CLIC5: variants seen among roughly 807,000 people sequenced by gnomAD.
CLIC5 encodes the protein CLIC family member 5.
CLIC5 carries 20 observed loss-of-function variants against 24.7 expected under a neutral mutation model. The observed-to-expected ratio is 0.81, with a 90% CI of 0.57 to 1.18. The LOEUF (loss-of-function observed/expected upper bound fraction) is 1.18. Ranked by LOEUF, CLIC5 falls within the 50% of genes most tolerant of loss-of-function variation. The probability of loss-of-function intolerance (pLI) is 0.00; values close to 1 mark genes in which losing one functional copy is unlikely to be tolerated. For missense variants in CLIC5, 341 were observed against 326.1 expected, an observed-to-expected ratio of 1.05 and a Z score of -0.35; for synonymous variants, 159 against 135.6, an observed-to-expected ratio of 1.17 and a Z score of -1.20.
intron 1 of CLIC5, among the ~76,000 whole-genome samples, chr6:45,958,443 T>TACACACACACACACACACACAC (rs1283521914): frequency 0.018 from 1,028 of 55,622 alleles, 96 homozygotes; most frequent in African/African-American, 0.055. Context: ...TATATATATA[T>TACACACACACACACACACACAC]ATATATATAT....
chr6:46,004,106 G>T (rs890044706), intron 1 of CLIC5, among the ~76,000 whole-genome samples: 9 of 152,236 alleles, frequency 5.9e-5, no homozygotes, highest in Non-Finnish European at 8.8e-5. Flanking sequence ...GGTGGAAGCA[G>T]TTGAAGTTGA....
the CLIC5 span, among the ~76,000 whole-genome samples, chr6:46,110,840 C>T: frequency 6.6e-6 from 1 of 152,194 alleles, no homozygotes; most frequent in Non-Finnish European, 1.5e-5. Flanking sequence ...GCAAAGCCAA[C>T]TTAAAAACCT....
At chr6:45,927,445 TTGAG>T (rs745950316) in intron 4 of CLIC5, among the ~76,000 whole-genome samples, 36 of 152,122 alleles carry the variant, frequency 2.4e-4, no homozygotes, top group Non-Finnish European at 3.1e-4. Flanking sequence ...GGAAGGATTG[TTGAG>T]ATGAAGACAA....
chr6:45,948,825 G>A (rs1764372161), intron 3 of CLIC5, among the ~76,000 whole-genome samples: 1 of 152,098 alleles, frequency 6.6e-6, no homozygotes, highest in Non-Finnish European at 1.5e-5. Flanking sequence ...TAAGACCCTG[G>A]ATGTTGTTTT....
chr6:46,122,848 C>G, the CLIC5 span: 8 of 152,284 alleles, frequency 5.3e-5, no homozygotes, highest in South Asian at 1.2e-3. Flanking sequence ...GGATAAACTC[C>G]TCAACACATA....
At chr6:45,882,073 C>G (rs746647570) in intron 6 of CLIC5, among the ~76,000 whole-genome samples, 1 of 152,196 alleles carries the variant, frequency 6.6e-6, no homozygotes, top group Non-Finnish European at 1.5e-5. Flanking sequence ...CCATGGCCAT[C>G]CACAGGTGAG....
At position 45,964,078 on chromosome 6, in the gene CLIC5, T is replaced by A. The variant is rs570924243; in HGVS notation, c.64-8834A>T. On this transcript the variant is annotated intron_variant, in intron 1 of 5. Transcript: ENST00000339561. ...GAAGAATGGTTCTCATATGTTAATA[T>A]TATCAACCTTCACCATGCCTTGGGA... Among the ~76,000 whole-genome samples, 367 of 152,338 alleles carry A rather than the reference T, an allele frequency of 2.4e-3. 2 individuals are homozygous for A. Among genetic ancestry groups the A allele is most frequent in the African/African-American group, 8.1e-3 (337 of 41,578 alleles).
intron 1 of CLIC5, among the ~76,000 whole-genome samples, chr6:46,026,720 G>A (rs1021968431): frequency 1.1e-4 from 16 of 152,158 alleles, no homozygotes; most frequent in Non-Finnish European, 2.1e-4. Context: ...ATAAATTTAT[G>A]AGTAAGACCC....
chr6:46,080,172 T>A (rs1762888087), exon 1 of CLIC5: 1 of 1,551,736 alleles, frequency 6.4e-7, no homozygotes, highest in Non-Finnish European at 8.7e-7. Context: ...TTCTTCTGGC[T>A]GGTCTGGAAC....
the CLIC5 span, among the ~76,000 whole-genome samples, chr6:46,092,472 T>A: frequency 3.3e-5 from 5 of 152,230 alleles, no homozygotes; most frequent in Admixed American, 2.6e-4. Flanking sequence ...CTAAAATGTG[T>A]TTTATTCCTG....
At position 46,068,119 on chromosome 6, in the gene CLIC5, G is replaced by A. The variant is rs575036642; in HGVS notation, c.540+11584C>T. On this transcript the variant is annotated intron_variant, in intron 1 of 5. Transcript: ENST00000185206. Reference sequence around the variant, plus strand: ...TGTGATGAAGGAGGCAGAGACTGGCGTGATGCAACCACAAGCCAAAGATTG... The same window carrying A: ...TGTGATGAAGGAGGCAGAGACTGGCATGATGCAACCACAAGCCAAAGATTG... Among the ~76,000 whole-genome samples, 479 of 152,198 alleles carry A rather than the reference G, an allele frequency of 3.1e-3. 4 individuals are homozygous for A. The highest frequency in any genetic ancestry group is 0.011 in the African/African-American group (456 of 41,538).
intron 4 of CLIC5, among the ~76,000 whole-genome samples, chr6:45,917,889 C>T (rs2127320699): frequency 6.6e-6 from 1 of 152,280 alleles, no homozygotes; most frequent in South Asian, 2.1e-4. Flanking sequence ...GTGTTTAATT[C>T]CTCGTAAATA....
intron 4 of CLIC5, chr6:45,920,728 G>A (rs1763223868): frequency 1.1e-6 from 1 of 890,510 alleles, no homozygotes; most frequent in Non-Finnish European, 1.3e-6. Context: ...AGATCAGATG[G>A]ACTAGGCCAA....
At chr6:46,121,119 C>A in the CLIC5 span, among the ~76,000 whole-genome samples, 1 of 151,932 alleles carries the variant, frequency 6.6e-6, no homozygotes, top group African/African-American at 2.4e-5. Context: ...AACTCCGAGA[C>A]ACATCATTGT....
chr6:46,006,015 T>TAG (rs66757100), intron 1 of CLIC5, among the ~76,000 whole-genome samples: 7 of 137,986 alleles, frequency 5.1e-5, no homozygotes, highest in African/African-American at 1.9e-4. Context: ...TATATATATA[T>TAG]ACACACATGT....
the CLIC5 span, among the ~76,000 whole-genome samples, chr6:46,107,636 T>A: frequency 1.3e-5 from 2 of 152,202 alleles, no homozygotes; most frequent in African/African-American, 4.8e-5. Context: ...AAAGGTTATA[T>A]AAGGAGGCAG....
the CLIC5 span, among the ~76,000 whole-genome samples, chr6:46,126,141 C>T: frequency 1.3e-5 from 2 of 152,096 alleles, no homozygotes; most frequent in Admixed American, 1.3e-4. Context: ...AGGAGTCTGC[C>T]CCGTGGATGA....
intron 1 of CLIC5, chr6:46,014,858 C>T (rs1766939784): frequency 6.6e-6 from 1 of 152,214 alleles, no homozygotes; most frequent in Non-Finnish European, 1.5e-5. Flanking sequence ...CTACCAAACG[C>T]CTAACATTTC....
upstream of CLIC5, among the ~76,000 whole-genome samples, chr6:46,081,632 T>C (rs575039816): frequency 3.9e-5 from 6 of 152,228 alleles, no homozygotes; most frequent in South Asian, 8.3e-4. Flanking sequence ...ATAGGTTCTA[T>C]AATCAGGTGT....
Sources: allele counts gnomAD v4.1 joint callset (sites outside exome capture counted in the v4.1 genomes callset), GRCh38; gene constraint gnomAD v4.1.1; transcripts MANE v1.5; gene names NCBI Gene and HGNC (gene_info 2026-07-23, HGNC 2026-07-21).